Variants in TSPAN18 observed in about 807,000 individuals in gnomAD.
TSPAN18 encodes the protein tetraspanin 18, also known as tetraspanin-18.
A neutral mutation model predicts 27.3 loss-of-function variants in TSPAN18; 14 were observed. That is an observed-to-expected ratio of 0.51 (90% CI 0.34 to 0.80). The LOEUF (loss-of-function observed/expected upper bound fraction) is 0.80. Ranked by LOEUF, TSPAN18 falls within the 30% of genes least tolerant of loss-of-function variation. TSPAN18 has a pLI of 0.01. For synonymous variants in TSPAN18, 143 were observed against 136.5 expected (o/e 1.05, Z -0.33); for missense variants, 268 against 323.9 (o/e 0.83, Z 1.32).
In TSPAN18 at chr11:44,909,836, C is replaced by G. The variant is rs778749267; in HGVS notation, c.195C>G (p.Leu65=). The change falls in exon 5 of 10, where the codon CTC becomes CTG. Residue 65 remains leucine, a synonymous_variant. Coordinates refer to ENST00000520358, the MANE Select transcript of TSPAN18 (RefSeq NM_130783.5). The part of the protein sequence containing the change: ...AYILLAMGGL[L]FLLGFLGCCG... ...TCCTCCTGGCCATGGGGGGCCTGCT[C>G]TTTCTGCTCGGCTTCCTGGGCTGCT... 3.7e-6 allele frequency: 6 copies of G among 1,614,088 alleles called. No individual in the cohort carries two copies. The South Asian group carries it at 5.5e-5, about 15-fold the overall frequency.
At chr11:44,762,091 G>A (rs959674772) in intron 1 of TSPAN18, among the ~76,000 whole-genome samples, 6 of 152,340 alleles carry the variant, frequency 3.9e-5, no homozygotes, top group African/African-American at 7.2e-5. Flanking sequence ...ACCCAAAGGC[G>A]GGATGTGGCC....
At chr11:44,755,383 T>C (rs1440902716) in intron 1 of TSPAN18, among the ~76,000 whole-genome samples, 1 of 151,994 alleles carries the variant, frequency 6.6e-6, no homozygotes, top group Non-Finnish European at 1.5e-5. Flanking sequence ...TGGGACTCAT[T>C]CTGGGAACAA....
chr11:44,799,794 C>T (rs1402530590), intron 2 of TSPAN18, among the ~76,000 whole-genome samples: 1 of 152,202 alleles, frequency 6.6e-6, no homozygotes, highest in Admixed American at 6.5e-5. Context: ...TTCAGAGCTG[C>T]TCTTAACAAC....
At chr11:44,743,754 C>G (rs938188830) in intron 1 of TSPAN18, among the ~76,000 whole-genome samples, 3 of 152,152 alleles carry the variant, frequency 2.0e-5, no homozygotes, top group Non-Finnish European at 4.4e-5. Context: ...GCCTTACTTC[C>G]TGGTTGTGGA....
At chr11:44,902,173 C>T (rs181387449) in intron 3 of TSPAN18, among the ~76,000 whole-genome samples, 13 of 152,238 alleles carry the variant, frequency 8.5e-5, no homozygotes, top group East Asian at 1.9e-4. Flanking sequence ...TAGGTGTAGA[C>T]GTGATAAGAG....
At chr11:44,865,124 G>A (rs1304814958) in intron 3 of TSPAN18, among the ~76,000 whole-genome samples, 1 of 152,226 alleles carries the variant, frequency 6.6e-6, no homozygotes, top group Non-Finnish European at 1.5e-5. Flanking sequence ...GTAGTGGAAT[G>A]GACTCAAAAC....
At chr11:44,845,275 C>T (rs556987678) in intron 2 of TSPAN18, among the ~76,000 whole-genome samples, 1 of 152,298 alleles carries the variant, frequency 6.6e-6, no homozygotes, top group African/African-American at 2.4e-5. Flanking sequence ...ATGATTTGCC[C>T]CTCTGAGCCT....
At chr11:44,824,260 G>A (rs1856989129) in intron 2 of TSPAN18, among the ~76,000 whole-genome samples, 1 of 152,216 alleles carries the variant, frequency 6.6e-6, no homozygotes, top group South Asian at 2.1e-4. Flanking sequence ...CTGTCACTAT[G>A]TAGTATTTTA....
intron 8 of TSPAN18, chr11:44,926,431 G>T: frequency 1.9e-6 from 1 of 523,588 alleles, no homozygotes; most frequent in Non-Finnish European, 3.4e-6. Flanking sequence ...TGGCCTGCAC[G>T]CTGTCAGTTC....
At chr11:44,878,268 C>T (rs1224342290) in intron 3 of TSPAN18, among the ~76,000 whole-genome samples, 2 of 152,090 alleles carry the variant, frequency 1.3e-5, no homozygotes, top group Non-Finnish European at 2.9e-5. Context: ...CGTGTAAGAA[C>T]GCTCTCCTCT....
At chr11:44,785,156 A>T (rs929223238) in intron 2 of TSPAN18, among the ~76,000 whole-genome samples, 1 of 152,182 alleles carries the variant, frequency 6.6e-6, no homozygotes, top group African/African-American at 2.4e-5. Flanking sequence ...ATGCAAAAGG[A>T]TATTTACAAA....
At chr11:44,800,006 G>GTTTTTTTTTTTT (rs60067559) in intron 2 of TSPAN18, among the ~76,000 whole-genome samples, 50 of 109,390 alleles carry the variant, frequency 4.6e-4, no homozygotes, top group African/African-American at 6.8e-4. Context: ...AATTTTTTGT[G>GTTTTTTTTTTTT]TTTTTTTTTT....
intron 2 of TSPAN18, among the ~76,000 whole-genome samples, chr11:44,828,515 C>A (rs572003717): frequency 2.3e-4 from 35 of 152,190 alleles, no homozygotes; most frequent in African/African-American, 7.9e-4. Context: ...ATAAGCACTG[C>A]GGCAGGGGCC....
intron 1 of TSPAN18, among the ~76,000 whole-genome samples, chr11:44,761,409 T>A (rs973419728): frequency 6.6e-6 from 1 of 152,190 alleles, no homozygotes; most frequent in Non-Finnish European, 1.5e-5. Flanking sequence ...GGGACTGCAA[T>A]GAGATCTCAT....
rs113483654 is a variant in TSPAN18, at chr11:44,923,181, G to A, written c.615+3182G>A. Among the ~76,000 whole-genome samples the A allele has an allele frequency of 4.3e-3, 659 of 152,318 alleles. 4 individuals carry two copies. The highest frequency in any genetic ancestry group is 0.015 in the African/African-American group (630 of 41,562). On this transcript the variant is annotated intron_variant, in intron 8 of 9. Transcript: ENST00000520358. ...CAGTGGGCAGCTGGGTGTATGGGGT[G>A]GAGCTGGAGGGGTCGGTGCTGGAGA...
At chr11:44,879,984 T>C (rs1858444758) in intron 3 of TSPAN18, among the ~76,000 whole-genome samples, 1 of 152,216 alleles carries the variant, frequency 6.6e-6, no homozygotes, top group Admixed American at 6.5e-5. Context: ...ACAGTAGCTG[T>C]TTCAGCCCAG....
chr11:44,873,024 G>C (rs1021817449), intron 3 of TSPAN18, among the ~76,000 whole-genome samples: 3 of 152,170 alleles, frequency 2.0e-5, no homozygotes, highest in African/African-American at 4.8e-5. Flanking sequence ...AGAGACACCA[G>C]GGAGGGCTTC....
intron 3 of TSPAN18, among the ~76,000 whole-genome samples, chr11:44,891,980 C>T (rs961641231): frequency 2.8e-4 from 42 of 152,206 alleles, no homozygotes; most frequent in African/African-American, 1.0e-3. Flanking sequence ...TCTTTGACTA[C>T]TCAGGGAGGC....
intron 2 of TSPAN18, among the ~76,000 whole-genome samples, chr11:44,825,616 C>T (rs938626184): frequency 1.3e-4 from 20 of 152,312 alleles, no homozygotes; most frequent in African/African-American, 4.3e-4. Context: ...CTGACAGACT[C>T]GAGCTGGAAA....
Sources: allele counts gnomAD v4.1 joint callset (sites outside exome capture counted in the v4.1 genomes callset), GRCh38; gene constraint gnomAD v4.1.1; transcripts MANE v1.5; gene names NCBI Gene and HGNC (gene_info 2026-07-23, HGNC 2026-07-21).